PLCB1: variants seen among roughly 807,000 people sequenced by gnomAD.
The protein encoded by PLCB1 is 1-phosphatidylinositol 4,5-bisphosphate phosphodiesterase beta-1.
In PLCB1, 46 loss-of-function variants were observed where a neutral mutation model predicts 161.8. That is an observed-to-expected ratio of 0.28 (90% confidence interval 0.22 to 0.36). The LOEUF is 0.36. Among genes scored for constraint, PLCB1 ranks in the 10% least tolerant of loss-of-function variants. The probability of loss-of-function intolerance (pLI) is 1.00; values close to 1 mark genes in which losing one functional copy is unlikely to be tolerated. For missense variants in PLCB1, 1,016 were observed against 1,472.5 expected, an observed-to-expected ratio of 0.69 and a Z score of 5.07; for synonymous variants, 517 against 503.7, an observed-to-expected ratio of 1.03 and a Z score of -0.35.
At chr20:8,618,915 T>C (rs1012906071) in intron 3 of PLCB1, among the ~76,000 whole-genome samples, 10 of 152,176 alleles carry the variant, frequency 6.6e-5, no homozygotes, top group Non-Finnish European at 8.8e-5. Flanking sequence ...CCCATGTGTA[T>C]CTAGAGTAAC....
intron 31 of PLCB1, among the ~76,000 whole-genome samples, chr20:8,857,503 C>T (rs1001756931): frequency 3.3e-5 from 5 of 152,160 alleles, no homozygotes; most frequent in African/African-American, 1.2e-4. Context: ...TTAAGCAGAT[C>T]TGCTGTGAAC....
chr20:8,146,389 G>A (rs565290874), intron 1 of PLCB1, among the ~76,000 whole-genome samples: 2 of 152,272 alleles, frequency 1.3e-5, no homozygotes, highest in East Asian at 3.9e-4. Flanking sequence ...AATAATAATA[G>A]TGTCTACCTC....
In PLCB1 at chr20:8,600,352, C is replaced by CCAGG. The variant is rs1340693467; in HGVS notation, c.247-27941_247-27940insAGGC. On this transcript the variant is annotated intron_variant, in intron 3 of 31. Transcript: ENST00000338037. ...CCTCAGCTACAGGTCAGTTGGAATA[C>CCAGG]CCTGCCGTGTGAGGTGTCAGTGTGC... 7.5e-4 allele frequency among the ~76,000 whole-genome samples: 76 copies of CCAGG among 101,258 alleles called. 10 individuals carry two copies. The highest frequency in any genetic ancestry group is 9.7e-3 in the Middle Eastern group (2 of 206). 66.4% of individuals were successfully genotyped at this position (101,258 alleles called of 152,430 possible). A position where few individuals can be genotyped will look rare whatever the true frequency, so the allele number is the denominator to read the frequency against.
In PLCB1 at chr20:8,790,167, T is replaced by A; in HGVS notation, c.3337-8T>A. 6.3e-7 allele frequency: 1 copy of A among 1,599,394 alleles called. No individual in the cohort carries two copies. Among genetic ancestry groups the A allele is most frequent in the Non-Finnish European group, 8.6e-7 (1 of 1,168,462 alleles). ...ATGAAAGTAATGTTTCTTGTAACTT[T>A]CTTATAGCTAGAAGAAGCGCAAAGT... On this transcript the variant is annotated splice_region_variant and splice_polypyrimidine_tract_variant and intron_variant, in intron 30 of 31. Transcript: ENST00000338037.
At chr20:8,547,601 G>A (rs1985602970) in intron 3 of PLCB1, among the ~76,000 whole-genome samples, 1 of 152,054 alleles carries the variant, frequency 6.6e-6, no homozygotes, top group Non-Finnish European at 1.5e-5. Flanking sequence ...CTGTCCTGTT[G>A]TATTTTTGGA....
At chr20:8,371,485 T>C (rs946062121) in intron 3 of PLCB1, 35 bp downstream of exon 3, 10 of 1,426,628 alleles carry the variant, frequency 7.0e-6, no homozygotes, top group Non-Finnish European at 9.8e-6. Context: ...CACCAGATGC[T>C]GCCTTGATTG....
At chr20:8,787,613 T>G (rs967827160) in intron 27 of PLCB1, among the ~76,000 whole-genome samples, 5 of 152,156 alleles carry the variant, frequency 3.3e-5, no homozygotes, top group African/African-American at 1.2e-4. Flanking sequence ...TTGCAGAAGG[T>G]TCTCCAGGTT....
At chr20:8,135,261 A>G (rs988781149) in intron 1 of PLCB1, among the ~76,000 whole-genome samples, 2 of 152,178 alleles carry the variant, frequency 1.3e-5, no homozygotes, top group African/African-American at 4.8e-5. Context: ...AAGCGTGGTA[A>G]TGTTACAGGA....
intron 2 of PLCB1, among the ~76,000 whole-genome samples, chr20:8,159,353 C>G (rs967847143): frequency 1.1e-4 from 16 of 152,200 alleles, no homozygotes; most frequent in African/African-American, 3.9e-4. Context: ...TGTAGGGCAC[C>G]AAGTCCCTAG....
At chr20:8,334,160 G>A (rs1056225639) in intron 2 of PLCB1, among the ~76,000 whole-genome samples, 17 of 151,826 alleles carry the variant, frequency 1.1e-4, no homozygotes, top group Admixed American at 8.5e-4. Context: ...GATGAGCCGC[G>A]ATCGCGCCAT....
chr20:8,307,103 A>C (rs1186558732), intron 2 of PLCB1, among the ~76,000 whole-genome samples: 2 of 152,230 alleles, frequency 1.3e-5, no homozygotes, highest in Non-Finnish European at 2.9e-5. Context: ...GGCATCCTGC[A>C]TAGTCTTTAA....
intron 3 of PLCB1, among the ~76,000 whole-genome samples, chr20:8,592,874 G>A (rs1987192719): frequency 6.6e-6 from 1 of 152,138 alleles, no homozygotes; most frequent in Admixed American, 6.6e-5. Context: ...CTGCAGGGAA[G>A]GCCCTGCAGT....
chr20:8,523,496 C>CTCTCTATATATA lies in PLCB1; in HGVS notation c.247-104797_247-104796insCTCTATATATAT. On this transcript the variant is annotated intron_variant, in intron 3 of 31. Coordinates refer to ENST00000338037, the MANE Select transcript of PLCB1 (RefSeq NM_015192.4). ...TCTCTCTCTCTCTCTCTCTCTCTCTCTATATATATATATATATATATATAT... is the reference window on the plus strand; with the variant it reads ...TCTCTCTCTCTCTCTCTCTCTCTCTCTCTCTATATATATATATATATATATATATATATATAT... 2.5e-4 allele frequency among the ~76,000 whole-genome samples: 13 copies of CTCTCTATATATA among 51,648 alleles called. 1 individual carries two copies. Among genetic ancestry groups the CTCTCTATATATA allele is most frequent in the Non-Finnish European group, 4.5e-4 (12 of 26,734 alleles). 33.9% of individuals were successfully genotyped at this position (51,648 alleles called of 152,430 possible).
intron 3 of PLCB1, among the ~76,000 whole-genome samples, chr20:8,621,830 A>G (rs1363137268): frequency 1.3e-5 from 2 of 152,240 alleles, no homozygotes; most frequent in African/African-American, 2.4e-5. Context: ...TGAGCAAATT[A>G]CTTCATCTTT....
chr20:8,687,916 T>C (rs536031356), intron 10 of PLCB1, among the ~76,000 whole-genome samples: 3 of 152,352 alleles, frequency 2.0e-5, no homozygotes, highest in Admixed American at 1.3e-4. Context: ...TCCACACTGT[T>C]TTCCATAGTG....
At chr20:8,795,506 GAT>G (rs1195518163) in intron 31 of PLCB1, among the ~76,000 whole-genome samples, 1 of 152,194 alleles carries the variant, frequency 6.6e-6, no homozygotes, top group African/African-American at 2.4e-5. Flanking sequence ...CTAGCAATGA[GAT>G]ATTCGATTCA....
intron 3 of PLCB1, among the ~76,000 whole-genome samples, chr20:8,595,339 G>C (rs963854554): frequency 6.9e-6 from 1 of 144,952 alleles, no homozygotes; most frequent in African/African-American, 2.6e-5. Flanking sequence ...CTATGAGCGA[G>C]AATATGCGGT....
intron 3 of PLCB1, among the ~76,000 whole-genome samples, chr20:8,521,937 A>G (rs1303698398): frequency 6.6e-6 from 1 of 152,228 alleles, no homozygotes; most frequent in Non-Finnish European, 1.5e-5. Context: ...CTTTCTTAAC[A>G]TCAGATTTTT....
intron 26 of PLCB1, among the ~76,000 whole-genome samples, chr20:8,771,917 T>G (rs1171723780): frequency 1.1e-5 from 1 of 91,642 alleles, no homozygotes; most frequent in Non-Finnish European, 2.4e-5. Context: ...GGTCTTGCTC[T>G]TTTGCTCAGG....
Sources: allele counts gnomAD v4.1 joint callset (sites outside exome capture counted in the v4.1 genomes callset), GRCh38; gene constraint gnomAD v4.1.1; transcripts MANE v1.5; gene names NCBI Gene and HGNC (gene_info 2026-07-23, HGNC 2026-07-21).